DOCK7: variants seen among roughly 807,000 people sequenced by gnomAD.
DOCK7 encodes the protein dedicator of cytokinesis protein 7.
A neutral mutation model predicts 271.0 loss-of-function variants in DOCK7; 138 were observed. That is an observed-to-expected ratio of 0.51 (90% CI 0.44 to 0.59). DOCK7 has a LOEUF of 0.59. DOCK7 is among the 20% of genes least tolerant of loss of function. DOCK7 has a pLI of 0.00. For synonymous variants in DOCK7, 823 were observed against 876.1 expected (o/e 0.94, Z 1.07); for missense variants, 2,066 against 2,592.4 (o/e 0.80, Z 4.41).
Position 62,455,225 on chromosome 1 carries a change from A to C in DOCK7, c.*189T>G, listed in dbSNP as rs576810730. On this transcript the variant is annotated 3_prime_UTR_variant, in exon 50 of 50. Transcript: ENST00000635253. ...TCTTAAAAGATAACAGCTTGTTACC[A>C]GAACATTAGAAACCATAGCCATGAT... 60 of 704,554 alleles carry C rather than the reference A, an allele frequency of 8.5e-5. No homozygotes were observed. In the African/African-American group the frequency reaches 9.4e-4, roughly 11 times the overall value. 43.6% of individuals were successfully genotyped at this position (704,554 alleles called of 1,614,324 possible). A position where few individuals can be genotyped will look rare whatever the true frequency, so the allele number is the denominator to read the frequency against.
chr1:62,684,158 T>C (rs960117030), intron 1 of DOCK7, among the ~76,000 whole-genome samples: 1 of 148,694 alleles, frequency 6.7e-6, no homozygotes, highest in Non-Finnish European at 1.5e-5. Context: ...GAGGTTGCAG[T>C]GAGCCGATTG....
intron 11 of DOCK7, among the ~76,000 whole-genome samples, chr1:62,625,663 G>A (rs768472467): frequency 6.6e-6 from 1 of 152,166 alleles, no homozygotes; most frequent in African/African-American, 2.4e-5. Context: ...GCCACAAAGA[G>A]CAGCTATAGA....
At chr1:62,557,601 A>G (rs1646187966) in intron 20 of DOCK7, among the ~76,000 whole-genome samples, 1 of 143,348 alleles carries the variant, frequency 7.0e-6, no homozygotes, top group Non-Finnish European at 1.5e-5. Flanking sequence ...ACGAGTAGAC[A>G]TTTCTCAAGC....
intron 37 of DOCK7, among the ~76,000 whole-genome samples, chr1:62,502,412 T>C (rs1024027856): frequency 4.6e-5 from 7 of 152,190 alleles, no homozygotes; most frequent in African/African-American, 1.2e-4. Flanking sequence ...ATTTTGTTTT[T>C]TGTTTATCTT....
intron 18 of DOCK7, among the ~76,000 whole-genome samples, chr1:62,576,276 C>T (rs1646938949): frequency 1.3e-5 from 2 of 152,114 alleles, no homozygotes; most frequent in Non-Finnish European, 1.5e-5. Context: ...GGAGAGGCTG[C>T]TATTTAGAAT....
At chr1:62,623,578 A>G (rs992676150) in intron 12 of DOCK7, among the ~76,000 whole-genome samples, 3 of 152,234 alleles carry the variant, frequency 2.0e-5, no homozygotes, top group Non-Finnish European at 4.4e-5. Flanking sequence ...GGCTGAAGAA[A>G]TGAAAAGAAA....
At chr1:62,585,181 G>GA (rs978303457) in intron 15 of DOCK7, among the ~76,000 whole-genome samples, 26 of 151,988 alleles carry the variant, frequency 1.7e-4, no homozygotes, top group African/African-American at 5.1e-4. Context: ...GCAATAATCT[G>GA]AAAAAAATGC....
At chr1:62,574,542 C>A (rs1379362535) in intron 18 of DOCK7, among the ~76,000 whole-genome samples, 5 of 152,100 alleles carry the variant, frequency 3.3e-5, no homozygotes, top group African/African-American at 1.2e-4. Flanking sequence ...TGCTTTTAAA[C>A]CAGTGCCAGA....
chr1:62,566,327 T>C (rs1646513749), intron 18 of DOCK7, among the ~76,000 whole-genome samples: 1 of 152,198 alleles, frequency 6.6e-6, no homozygotes, highest in Non-Finnish European at 1.5e-5. Flanking sequence ...CAAAACAGCA[T>C]GGTACTGGTA....
At chr1:62,464,549 G>C (rs1159390511) in intron 48 of DOCK7, among the ~76,000 whole-genome samples, 1 of 151,874 alleles carries the variant, frequency 6.6e-6, no homozygotes, top group Non-Finnish European at 1.5e-5. Context: ...GGGTGTGGTG[G>C]TGCGTGCCTG....
At chr1:62,553,518 A>G (rs1646027539) in intron 21 of DOCK7, among the ~76,000 whole-genome samples, 3 of 149,366 alleles carry the variant, frequency 2.0e-5, no homozygotes, top group Admixed American at 2.0e-4. Context: ...ACAGGCACAC[A>G]CCACCATGCC....
chr1:62,561,773 T>G, intron 18 of DOCK7, 70 bp from the exon 19 acceptor site: 1 of 887,172 alleles, frequency 1.1e-6, no homozygotes, highest in East Asian at 3.0e-5. Context: ...AAACAAAAAT[T>G]ACAATATCCC....
In DOCK7 at chr1:62,641,827, G is replaced by C. The variant is rs1051345236; in HGVS notation, c.819-5224C>G. ...TTTTATCAATATGTGTTGACCCTCT[G>C]TTTTGACTTAAAGTCAATTTTGTAA... On this transcript the variant is annotated intron_variant, in intron 7 of 49. Coordinates refer to ENST00000635253, the MANE Select transcript of DOCK7 (RefSeq NM_001367561.1). Among the ~76,000 whole-genome samples, 15 of 152,256 alleles carry C rather than the reference G, an allele frequency of 9.9e-5. No individual in the cohort carries two copies. In the East Asian group the frequency reaches 2.9e-3, roughly 29 times the overall value.
intron 1 of DOCK7, among the ~76,000 whole-genome samples, chr1:62,666,648 G>A (rs1024239034): frequency 6.6e-6 from 1 of 152,156 alleles, no homozygotes; most frequent in Non-Finnish European, 1.5e-5. Flanking sequence ...AGAAAGAAAT[G>A]TTAATGAATA....
chr1:62,655,922 G>T (rs893985830), intron 2 of DOCK7, among the ~76,000 whole-genome samples: 2 of 152,122 alleles, frequency 1.3e-5, no homozygotes, highest in African/African-American at 4.8e-5. Flanking sequence ...ACCAACATCT[G>T]AAAATATAAT....
intron 46 of DOCK7, 131 bp from the exon 47 acceptor site, chr1:62,475,482 CTT>C (rs1645942934): frequency 1.6e-6 from 2 of 1,214,608 alleles, no homozygotes; most frequent in South Asian, 3.4e-5. Flanking sequence ...AAATTCCAAA[CTT>C]GGATTCCTAA....
At chr1:62,664,765 A>G (rs1256884560) in intron 1 of DOCK7, among the ~76,000 whole-genome samples, 2 of 148,814 alleles carry the variant, frequency 1.3e-5, no homozygotes, top group Non-Finnish European at 3.0e-5. Flanking sequence ...GCCCCCTCCC[A>G]AAAAAGTCTA....
chr1:62,588,277 T>G (rs1230451070), intron 14 of DOCK7, among the ~76,000 whole-genome samples: 1 of 152,156 alleles, frequency 6.6e-6, no homozygotes, highest in Non-Finnish European at 1.5e-5. Flanking sequence ...GATTAAGAAG[T>G]CATTCCCTGG....
At chr1:62,523,961 G>A (rs1017699522) in intron 31 of DOCK7, among the ~76,000 whole-genome samples, 1 of 152,070 alleles carries the variant, frequency 6.6e-6, no homozygotes, top group African/African-American at 2.4e-5. Flanking sequence ...AAGCCACAGA[G>A]AAGAAATATT....
Sources: allele counts gnomAD v4.1 joint callset (sites outside exome capture counted in the v4.1 genomes callset), GRCh38; gene constraint gnomAD v4.1.1; transcripts MANE v1.5; gene names NCBI Gene and HGNC (gene_info 2026-07-23, HGNC 2026-07-21).